Variants in CFH observed in about 807,000 individuals in gnomAD.
CFH encodes complement factor H.
In CFH, 53 loss-of-function variants were observed where a neutral mutation model predicts 147.3. The ratio of observed to expected loss-of-function variants is 0.36; its 90% CI spans 0.29 to 0.45. The LOEUF is 0.45. CFH is among the 20% of genes least tolerant of loss of function. The pLI is 1.00. For synonymous variants in CFH, 536 were observed against 489.4 expected (o/e 1.10, Z -1.26); for missense variants, 1,380 against 1,498.0 (o/e 0.92, Z 1.30).
Position 196,726,888 on chromosome 1 carries a change from C to A in CFH, c.2184C>A (p.His728Gln). ...NCSESFTMIG[H>Q]RSITCIHGVW... Reference sequence around the variant, plus strand: ...CAGAATCATTTACAATGATTGGACACAGATCAATTACGTGTATTCATGGAG... The same window carrying A: ...CAGAATCATTTACAATGATTGGACAAAGATCAATTACGTGTATTCATGGAG... Residue 728 changes from histidine (H) to glutamine (Q), a missense_variant, in exon 14 of 22, where the codon CAC becomes CAA. Physicochemically the swap from His to Gln is conservative, Grantham distance 24 (BLOSUM62 0). This residue lies in a region of CFH where 830 missense variants were observed against 821.4 expected (regional missense o/e 1.01). Coordinates refer to ENST00000367429, the MANE Select transcript of CFH (RefSeq NM_000186.4). 1.9e-6 allele frequency: 3 copies of A among 1,613,792 alleles called. No homozygotes were observed. The highest frequency in any genetic ancestry group is 2.5e-6 in the Non-Finnish European group (3 of 1,179,798).
intron 18 of CFH, 45 bp from the exon 19 acceptor site, chr1:196,741,830 A>C: frequency 6.4e-7 from 1 of 1,572,610 alleles, no homozygotes; most frequent in South Asian, 1.1e-5. Flanking sequence ...TATGTAACCT[A>C]TTTTTAAAGA....
At chr1:196,720,477 ACT>A (rs1668972997) in intron 11 of CFH, among the ~76,000 whole-genome samples, 1 of 151,628 alleles carries the variant, frequency 6.6e-6, no homozygotes, top group African/African-American at 2.4e-5. Context: ...GTTACTCAGC[ACT>A]CTCTGTCCAT....
At chr1:196,697,205 A>G (rs562761184) in intron 9 of CFH, among the ~76,000 whole-genome samples, 80 of 152,326 alleles carry the variant, frequency 5.3e-4, no homozygotes, top group African/African-American at 1.9e-3. Flanking sequence ...AACTACCATC[A>G]GAGTGAACAG....
intron 7 of CFH, among the ~76,000 whole-genome samples, chr1:196,685,713 G>A (rs1667803717): frequency 6.6e-6 from 1 of 152,050 alleles, no homozygotes; most frequent in African/African-American, 2.4e-5. Context: ...AGGCTTGGCT[G>A]GGAAGGAGGA....
At chr1:196,666,664 T>C (rs1667100065) in intron 1 of CFH, among the ~76,000 whole-genome samples, 4 of 150,368 alleles carry the variant, frequency 2.7e-5, no homozygotes, top group Admixed American at 2.0e-4. Context: ...ACCCAAAAAA[T>C]AGCCGGGCAT....
chr1:196,697,706 G>A (rs543753915), intron 9 of CFH, among the ~76,000 whole-genome samples: 2,059 of 152,034 alleles, frequency 0.014, 48 homozygotes, highest in African/African-American at 0.047. Flanking sequence ...ACATGTACAC[G>A]TATGTTTATT....
At chr1:196,713,551 T>A (rs1419252784) in intron 9 of CFH, among the ~76,000 whole-genome samples, 184 bp from the exon 10 acceptor site, 1 of 152,040 alleles carries the variant, frequency 6.6e-6, no homozygotes, top group African/African-American at 2.4e-5. Context: ...TGATGAAGAG[T>A]CTTGATGTAA....
Position 196,740,582 on chromosome 1 carries a change from G to T in CFH, c.2783-37G>T, listed in dbSNP as rs56050311. 5.5e-5 allele frequency: 87 copies of T among 1,595,970 alleles called. No homozygotes were observed. In the East Asian group the frequency reaches 1.8e-3, roughly 34 times the overall value. On this transcript the variant is annotated intron_variant, in intron 17 of 21. Coordinates refer to ENST00000367429, the MANE Select transcript of CFH (RefSeq NM_000186.4). ...AACAGGCATATAAAATTAAATTTATGAGTTAGTGAAACCTGAATTCATTCT... is the reference window on the plus strand; with the variant it reads ...AACAGGCATATAAAATTAAATTTATTAGTTAGTGAAACCTGAATTCATTCT...
intron 20 of CFH, among the ~76,000 whole-genome samples, chr1:196,744,699 T>C (rs1319703591): frequency 6.6e-6 from 1 of 152,206 alleles, no homozygotes. Context: ...ACTCACTTGC[T>C]TCAAATATCG....
intron 9 of CFH, among the ~76,000 whole-genome samples, chr1:196,708,074 A>G (rs1291888127): frequency 6.6e-6 from 1 of 152,148 alleles, no homozygotes; most frequent in Non-Finnish European, 1.5e-5. Flanking sequence ...CATTATGTGG[A>G]CATTCTAAAA....
chr1:196,655,190 G>A (rs1481176827), intron 1 of CFH, among the ~76,000 whole-genome samples: 6 of 152,050 alleles, frequency 3.9e-5, no homozygotes, highest in Non-Finnish European at 8.8e-5. Context: ...TTCAGTGGGC[G>A]GGGGAGGGTA....
intron 15 of CFH, among the ~76,000 whole-genome samples, chr1:196,730,097 T>C (rs572687261): frequency 4.6e-5 from 7 of 151,998 alleles, no homozygotes; most frequent in African/African-American, 9.6e-5. Flanking sequence ...CTCTGATCTT[T>C]ATGATTTCCA....
At chr1:196,664,709 A>G (rs563702896) in intron 1 of CFH, among the ~76,000 whole-genome samples, 1 of 152,276 alleles carries the variant, frequency 6.6e-6, no homozygotes, top group South Asian at 2.1e-4. Flanking sequence ...ACATAATTAA[A>G]TATTACCCAA....
At chr1:196,683,669 A>C (rs566772290) in intron 6 of CFH, among the ~76,000 whole-genome samples, 2 of 151,882 alleles carry the variant, frequency 1.3e-5, no homozygotes, top group Admixed American at 1.3e-4. Flanking sequence ...TGAAAGAATT[A>C]AAGCTAACCT....
chr1:196,657,007 C>T (rs76849009), intron 1 of CFH, among the ~76,000 whole-genome samples: 3,849 of 152,038 alleles, frequency 0.025, 159 homozygotes, highest in African/African-American at 0.088. Context: ...GACAGGATCT[C>T]GCTTTGTTGC....
chr1:196,694,973 T>C (rs530138218), intron 9 of CFH, among the ~76,000 whole-genome samples: 3 of 152,232 alleles, frequency 2.0e-5, no homozygotes, highest in Non-Finnish European at 4.4e-5. Flanking sequence ...ACTCTGATGA[T>C]AGTTTCTTTT....
chr1:196,660,027 A>T (rs935747562), intron 1 of CFH, among the ~76,000 whole-genome samples: 3 of 152,170 alleles, frequency 2.0e-5, no homozygotes, highest in African/African-American at 4.8e-5. Flanking sequence ...TTTGTGAAGG[A>T]GGTAAAGTAG....
At position 196,729,195 on chromosome 1, in the gene CFH, C is replaced by CA. The variant is rs1573069168; in HGVS notation, c.2413+675dup. Among the ~76,000 whole-genome samples, 3 of 152,104 alleles carry CA rather than the reference C, an allele frequency of 2.0e-5. No homozygotes were observed. In the East Asian group the frequency reaches 5.8e-4, roughly 29 times the overall value. ...GTCTAGGATATACAGAAAGCATTGA[C>CA]AACCAATACAAAAACTAATCTGCTA... On this transcript the variant is annotated intron_variant, in intron 15 of 21. Transcript: ENST00000367429.
intron 9 of CFH, among the ~76,000 whole-genome samples, chr1:196,709,656 T>C (rs560200655): frequency 6.6e-6 from 1 of 152,304 alleles, no homozygotes; most frequent in East Asian, 1.9e-4. Context: ...TCTCTGTAGC[T>C]GGTCATTGAT....
Sources: allele counts gnomAD v4.1 joint callset (sites outside exome capture counted in the v4.1 genomes callset), GRCh38; gene constraint gnomAD v4.1.1; regional missense constraint gnomAD v4.1.1; transcripts MANE v1.5; gene names NCBI Gene and HGNC (gene_info 2026-07-23, HGNC 2026-07-21).